SSH2: variants seen among roughly 807,000 people sequenced by gnomAD.
SSH2 encodes the protein slingshot protein phosphatase 2, also known as protein phosphatase Slingshot homolog 2.
In SSH2, 37 loss-of-function variants were observed where a neutral mutation model predicts 135.2. The observed-to-expected ratio is 0.27, with a 90% CI of 0.21 to 0.36. The LOEUF is 0.36. Ranked by LOEUF, SSH2 falls within the 10% of genes least tolerant of loss-of-function variation. SSH2 has a pLI of 1.00. For missense variants in SSH2, 1,408 were observed against 1,765.3 expected (o/e 0.80, Z 3.63); for synonymous variants, 628 against 646.2 (o/e 0.97, Z 0.43).
intron 5 of SSH2, among the ~76,000 whole-genome samples, chr17:29,694,455 G>C (rs1028012443): frequency 6.6e-6 from 1 of 152,196 alleles, no homozygotes; most frequent in African/African-American, 2.4e-5. Context: ...TGGATCACGA[G>C]GTCAGGAGTT....
At chr17:29,809,710 C>G (rs1053600207) in intron 2 of SSH2, among the ~76,000 whole-genome samples, 1 of 151,934 alleles carries the variant, frequency 6.6e-6, no homozygotes, top group Non-Finnish European at 1.5e-5. Context: ...CACACACCAC[C>G]GTGCCCAGCT....
chr17:29,742,135 C>A (rs1338332709), intron 3 of SSH2, among the ~76,000 whole-genome samples: 2 of 151,792 alleles, frequency 1.3e-5, no homozygotes, highest in Non-Finnish European at 2.9e-5. Context: ...AGGGTTTTCA[C>A]CGTGTTCAAC....
intron 3 of SSH2, among the ~76,000 whole-genome samples, chr17:29,757,208 T>G (rs1000187174): frequency 2.6e-5 from 4 of 152,204 alleles, no homozygotes. Flanking sequence ...CACTTGAGGT[T>G]TACAGAATCA....
chr17:29,870,695 T>C (rs1372456363), intron 1 of SSH2, among the ~76,000 whole-genome samples: 2 of 152,172 alleles, frequency 1.3e-5, no homozygotes, highest in South Asian at 4.1e-4. Context: ...TGTTTGGAGA[T>C]CTGGAATACT....
intron 1 of SSH2, among the ~76,000 whole-genome samples, chr17:29,910,858 T>C (rs930245991): frequency 1.3e-5 from 2 of 152,252 alleles, no homozygotes; most frequent in Admixed American, 6.5e-5. Context: ...ATTATTTGTA[T>C]GGGATTGTGT....
At chr17:29,721,533 C>T (rs999123137) in intron 3 of SSH2, among the ~76,000 whole-genome samples, 2 of 152,182 alleles carry the variant, frequency 1.3e-5, no homozygotes, top group African/African-American at 4.8e-5. Context: ...TTTTCTCACA[C>T]AGTAAGACAG....
chr17:29,647,669 C>T (rs1225455139), intron 14 of SSH2: 1 of 156,194 alleles, frequency 6.4e-6, no homozygotes, highest in Non-Finnish European at 1.4e-5. Context: ...GGAAATCTTT[C>T]TTTTCTTTTT....
intron 2 of SSH2, among the ~76,000 whole-genome samples, chr17:29,836,380 C>T (rs1040360064): frequency 1.3e-5 from 2 of 152,028 alleles, no homozygotes; most frequent in Non-Finnish European, 2.9e-5. Context: ...GTGTCTTCCC[C>T]GATGGACTGT....
At chr17:29,798,929 G>C (rs1452028749) in intron 2 of SSH2, among the ~76,000 whole-genome samples, 1 of 151,598 alleles carries the variant, frequency 6.6e-6, no homozygotes, top group Non-Finnish European at 1.5e-5. Flanking sequence ...TTGCCTATTG[G>C]GTCTACCTCT....
chr17:29,671,877 T>G, intron 9 of SSH2, 58 bp downstream of exon 9: 2 of 1,429,318 alleles, frequency 1.4e-6, no homozygotes, highest in South Asian at 1.3e-5. Context: ...ACATGCTTCT[T>G]ATGACTCCTC....
At chr17:29,701,478 G>C (rs1407899250) in intron 4 of SSH2, among the ~76,000 whole-genome samples, 1 of 150,208 alleles carries the variant, frequency 6.7e-6, no homozygotes, top group Non-Finnish European at 1.5e-5. Flanking sequence ...GGTGCAAAGA[G>C]GGCTAACTGC....
At chr17:29,763,194 T>G (rs898580139) in intron 3 of SSH2, among the ~76,000 whole-genome samples, 1 of 152,154 alleles carries the variant, frequency 6.6e-6, no homozygotes, top group Non-Finnish European at 1.5e-5. Flanking sequence ...GGACTTGAAA[T>G]ACTGAAAACT....
At chr17:29,724,271 G>A (rs2039915119) in intron 3 of SSH2, among the ~76,000 whole-genome samples, 2 of 152,212 alleles carry the variant, frequency 1.3e-5, no homozygotes, top group Non-Finnish European at 1.5e-5. Flanking sequence ...GCTCACACCT[G>A]TAATCCCAGC....
chr17:29,846,699 C>T lies in SSH2; in HGVS notation c.144+2150G>A, dbSNP rs377317127. Among the ~76,000 whole-genome samples the T allele has an allele frequency of 8.5e-5, 13 of 152,292 alleles. 1 individual carries two copies. The highest frequency in any genetic ancestry group is 2.9e-4 in the African/African-American group (12 of 41,552). On this transcript the variant is annotated intron_variant, in intron 2 of 15. Transcript: ENST00000540801. Reference sequence around the variant, plus strand: ...CGTGAATGAGGTCCTGAAATGGTAACTGCATTCACTGTGACATGAAGATGA... The same window carrying T: ...CGTGAATGAGGTCCTGAAATGGTAATTGCATTCACTGTGACATGAAGATGA...
rs1435097135 is a variant in SSH2 at position 29,667,014 on chromosome 17, A to G, written c.904-19T>C. The G allele has an allele frequency of 5.6e-6, 9 of 1,614,002 alleles. No homozygotes were observed. Among genetic ancestry groups the G allele is most frequent in the Non-Finnish European group, 7.6e-6 (9 of 1,179,962 alleles). Reference sequence around the variant, plus strand: ...TTCTTATCTGAAACAAAGATGATATATTGGACCCATCTCTTAAAGTCCCTC... The same window carrying G: ...TTCTTATCTGAAACAAAGATGATATGTTGGACCCATCTCTTAAAGTCCCTC... On this transcript the variant is annotated intron_variant, in intron 10 of 15. Transcript: ENST00000540801.
intron 3 of SSH2, among the ~76,000 whole-genome samples, chr17:29,761,685 A>G (rs1201651894): frequency 1.3e-5 from 2 of 152,108 alleles, no homozygotes. Flanking sequence ...TTCAACAGAA[A>G]AGTCCTGCCT....
Position 29,630,791 on chromosome 17 carries a change from G to T in SSH2, c.*50C>A, listed in dbSNP as rs751462756. ...TGCATGTTCCTTACATATTACACCTGCCCCTTTTACAAACATTTCTTCTAG... is the reference window on the plus strand; with the variant it reads ...TGCATGTTCCTTACATATTACACCTTCCCCTTTTACAAACATTTCTTCTAG... On this transcript the variant is annotated 3_prime_UTR_variant, in exon 16 of 16. Transcript: ENST00000540801. 24 of 1,488,586 alleles carry T rather than the reference G, an allele frequency of 1.6e-5. No individual in the cohort carries two copies. Among genetic ancestry groups the T allele is most frequent in the Non-Finnish European group, 2.1e-5 (23 of 1,108,956 alleles). The allele number at this position is 1,488,586 out of a possible 1,614,324, so 92.2% of individuals were successfully genotyped here.
At chr17:29,797,329 G>A (rs772992882) in intron 2 of SSH2, among the ~76,000 whole-genome samples, 2 of 152,026 alleles carry the variant, frequency 1.3e-5, no homozygotes, top group Non-Finnish European at 2.9e-5. Context: ...ACCCTGTTCT[G>A]GTTTTCCACC....
At chr17:29,641,938 T>C (rs1293021167) in intron 14 of SSH2, among the ~76,000 whole-genome samples, 1 of 3,020 alleles carries the variant, frequency 3.3e-4, no homozygotes, top group Non-Finnish European at 5.3e-4. Context: ...AGACATTGTC[T>C]TTTTTTTTTT....
Sources: gnomAD v4.1 joint callset for allele counts (sites outside exome capture counted in the v4.1 genomes callset) on GRCh38, gnomAD v4.1.1 for gene constraint, MANE v1.5 for transcripts, NCBI Gene and HGNC (gene_info 2026-07-23, HGNC 2026-07-21) for gene names.